TMEM45B: variants seen among roughly 807,000 people sequenced by gnomAD.
TMEM45B encodes transmembrane protein 45B.
In TMEM45B, 29 loss-of-function variants were observed where a neutral mutation model predicts 27.3. The observed-to-expected ratio is 1.06, with a 90% CI of 0.79 to 1.45. The LOEUF (loss-of-function observed/expected upper bound fraction) is 1.45, where lower values mean the gene tolerates loss of function less well. Ranked by LOEUF, TMEM45B falls within the 40% of genes most tolerant of loss-of-function variation. The pLI is 0.00. For missense variants in TMEM45B, 348 were observed against 343.9 expected (o/e 1.01, Z -0.09); for synonymous variants, 143 against 134.7 (o/e 1.06, Z -0.43).
chr11:129,818,368 T>A, intron 1 of TMEM45B, among the ~76,000 whole-genome samples: 1 of 152,238 alleles, frequency 6.6e-6, no homozygotes, highest in South Asian at 2.1e-4. Flanking sequence ...CGCATTCTCC[T>A]TGCCAGGACT....
chr11:129,835,749 G>T (rs571861389), intron 1 of TMEM45B, among the ~76,000 whole-genome samples: 1 of 152,298 alleles, frequency 6.6e-6, no homozygotes, highest in African/African-American at 2.4e-5. Context: ...AGGAATCAGG[G>T]TGATGGCCCT....
chr11:129,837,669 C>A (rs1274044783), intron 1 of TMEM45B, among the ~76,000 whole-genome samples: 2 of 147,512 alleles, frequency 1.4e-5, no homozygotes, highest in Non-Finnish European at 3.0e-5. Context: ...GCAGCCTCAA[C>A]CTCCCAAGTA....
At chr11:129,853,339 G>A (rs1201230613) in intron 2 of TMEM45B, among the ~76,000 whole-genome samples, 1 of 152,226 alleles carries the variant, frequency 6.6e-6, no homozygotes, top group African/African-American at 2.4e-5. Flanking sequence ...GGGAATGAGG[G>A]GTCTTAATCT....
chr11:129,848,450 C>T (rs571535846), intron 1 of TMEM45B, among the ~76,000 whole-genome samples: 15 of 152,282 alleles, frequency 9.9e-5, no homozygotes, highest in Middle Eastern at 3.4e-3. Flanking sequence ...TGCAGTGAGC[C>T]GAGATGGCAG....
intron 1 of TMEM45B, among the ~76,000 whole-genome samples, chr11:129,840,229 C>A (rs1270415065): frequency 1.3e-5 from 2 of 152,194 alleles, no homozygotes; most frequent in Non-Finnish European, 2.9e-5. Context: ...AGTACTCAGT[C>A]TTCTATGAAT....
rs774855882 is a variant in TMEM45B, at chr11:129,854,712, T to C, written c.281T>C (p.Leu94Pro). Residue 94 changes from leucine (L) to proline (P), a missense_variant, in exon 3 of 6, where the codon CTA becomes CCA. Coordinates refer to ENST00000281441, the MANE Select transcript of TMEM45B (RefSeq NM_138788.5). The stretch of plus-strand genomic sequence containing the variant: ...AATTGGCAGCACAGCACCATGTACC[T>C]ATTCTTTGCAGTCTCAGGAATTGTT... ...LMNWQHSTMY[L>P]FFAVSGIVDM... 1.2e-6 allele frequency: 2 copies of C among 1,614,242 alleles called. No homozygotes were observed. The highest frequency in any genetic ancestry group is 1.7e-6 in the Non-Finnish European group (2 of 1,180,034).
chr11:129,845,205 G>A (rs1947742661), intron 1 of TMEM45B, among the ~76,000 whole-genome samples: 1 of 151,904 alleles, frequency 6.6e-6, no homozygotes, highest in South Asian at 2.1e-4. Flanking sequence ...ACACGTCTCT[G>A]CCTGTTTATT....
intron 1 of TMEM45B, among the ~76,000 whole-genome samples, chr11:129,826,567 A>AAAGAAAAAGAAAAAT (rs1199881268): frequency 1.0e-5 from 1 of 96,126 alleles, no homozygotes; most frequent in African/African-American, 3.8e-5. Flanking sequence ...AAAAAAAAAA[A>AAAGAAAAAGAAAAAT]AGGACCCTGA....
chr11:129,849,933 C>T (rs1947820628), intron 1 of TMEM45B, among the ~76,000 whole-genome samples: 1 of 152,110 alleles, frequency 6.6e-6, no homozygotes, highest in Non-Finnish European at 1.5e-5. Flanking sequence ...TCCGAAATGA[C>T]TTTGGGGTCA....
At chr11:129,836,401 C>T (rs1220183869) in intron 1 of TMEM45B, among the ~76,000 whole-genome samples, 1 of 152,072 alleles carries the variant, frequency 6.6e-6, no homozygotes, top group East Asian at 1.9e-4. Flanking sequence ...TGGGTTAAGA[C>T]TTTTGGCACT....
intron 2 of TMEM45B, among the ~76,000 whole-genome samples, chr11:129,853,687 C>A (rs56927849): frequency 0.016 from 2,502 of 151,840 alleles, 78 homozygotes; most frequent in African/African-American, 0.057. Context: ...AGGAGATACA[C>A]TGGGGAACCA....
chr11:129,841,129 T>C (rs1265554770), intron 1 of TMEM45B, among the ~76,000 whole-genome samples: 1 of 152,098 alleles, frequency 6.6e-6, no homozygotes, highest in Admixed American at 6.6e-5. Flanking sequence ...ATGGTGGCTT[T>C]TTTTGCCTGT....
chr11:129,826,474 G>A (rs1366839195), intron 1 of TMEM45B, among the ~76,000 whole-genome samples: 10 of 148,128 alleles, frequency 6.8e-5, no homozygotes, highest in East Asian at 4.2e-4. Context: ...GTGTGAACCC[G>A]GGAGGCAGAG....
intron 1 of TMEM45B, among the ~76,000 whole-genome samples, chr11:129,842,963 C>A (rs1352375782): frequency 6.6e-6 from 1 of 152,136 alleles, no homozygotes; most frequent in African/African-American, 2.4e-5. Context: ...AAACAAATAA[C>A]CCTATTAAAA....
intron 1 of TMEM45B, among the ~76,000 whole-genome samples, chr11:129,847,798 A>C (rs1460588896): frequency 2.6e-5 from 4 of 152,164 alleles, no homozygotes; most frequent in Non-Finnish European, 2.9e-5. Context: ...CTACACAGAC[A>C]CAGCAACCAT....
At chr11:129,847,969 C>A (rs1843579952) in intron 1 of TMEM45B, among the ~76,000 whole-genome samples, 3 of 152,002 alleles carry the variant, frequency 2.0e-5, no homozygotes, top group South Asian at 4.2e-4. Context: ...GGCGGCCGGG[C>A]AGAGACGCTC....
chr11:129,857,207 T>A (rs1947941348), intron 4 of TMEM45B, 106 bp from the exon 5 acceptor site: 1 of 1,320,722 alleles, frequency 7.6e-7, no homozygotes, highest in African/African-American at 1.5e-5. Flanking sequence ...GTGGGAACTA[T>A]GAGGCGGTGG....
chr11:129,855,702 T>C lies in TMEM45B; in HGVS notation c.386-6T>C. ...GCCCTGACAGCTGCCATCTGGTTTGTGGCAGGTTTCCTCTTCTACTACCAC... is the reference window on the plus strand; with the variant it reads ...GCCCTGACAGCTGCCATCTGGTTTGCGGCAGGTTTCCTCTTCTACTACCAC... On this transcript the variant is annotated splice_polypyrimidine_tract_variant and splice_region_variant and intron_variant, in intron 3 of 5. Coordinates refer to ENST00000281441, the MANE Select transcript of TMEM45B (RefSeq NM_138788.5). 1 of 1,613,796 alleles carries C rather than the reference T, an allele frequency of 6.2e-7. No individual in the cohort carries two copies. Among genetic ancestry groups the C allele is most frequent in the East Asian group, 2.2e-5 (1 of 44,870 alleles).
intron 1 of TMEM45B, among the ~76,000 whole-genome samples, chr11:129,846,459 C>T (rs910497602): frequency 2.4e-5 from 3 of 124,490 alleles, no homozygotes; most frequent in Admixed American, 8.3e-5. Context: ...GAGCAAGACT[C>T]TTTCTCAAAA....
Sources: allele counts gnomAD v4.1 joint callset (sites outside exome capture counted in the v4.1 genomes callset), GRCh38; gene constraint gnomAD v4.1.1; transcripts MANE v1.5; gene names NCBI Gene and HGNC (gene_info 2026-07-23, HGNC 2026-07-21).